The following RAB3C variants were observed in gnomAD, a reference collection of about 807,000 sequenced individuals.
RAB3C encodes the protein ras-related protein Rab-3C.
Under a neutral mutation model 26.4 loss-of-function variants are expected in RAB3C, and 17 were observed. The ratio of observed to expected loss-of-function variants is 0.64; its 90% CI spans 0.44 to 0.97. RAB3C has a LOEUF of 0.97. Among genes scored for constraint, RAB3C ranks in the 50% least tolerant of loss-of-function variants. The pLI, the probability that RAB3C is intolerant of heterozygous loss-of-function variation, is 0.00. For missense variants in RAB3C, 242 were observed against 281.9 expected, an observed-to-expected ratio of 0.86 and a Z score of 1.01; for synonymous variants, 91 against 95.9, an observed-to-expected ratio of 0.95 and a Z score of 0.30.
intron 3 of RAB3C, among the ~76,000 whole-genome samples, chr5:58,782,848 C>A (rs944765017): frequency 8.5e-5 from 13 of 152,088 alleles, no homozygotes; most frequent in African/African-American, 3.1e-4. Flanking sequence ...TCTCAAGAGC[C>A]AGGATCTAGG....
intron 2 of RAB3C, among the ~76,000 whole-genome samples, chr5:58,639,927 A>G (rs1392364686): frequency 1.3e-5 from 2 of 152,200 alleles, no homozygotes; most frequent in South Asian, 2.1e-4. Context: ...TTCCCCAGTG[A>G]TGTTTCATTG....
chr5:58,679,962 A>G (rs1748312900), intron 2 of RAB3C, among the ~76,000 whole-genome samples: 2 of 152,288 alleles, frequency 1.3e-5, no homozygotes, highest in Middle Eastern at 3.4e-3. Context: ...TTTTTGTGTC[A>G]TTCTAATTTT....
intron 1 of RAB3C, among the ~76,000 whole-genome samples, chr5:58,610,714 C>G (rs1042284937): frequency 6.6e-6 from 1 of 151,902 alleles, no homozygotes; most frequent in Non-Finnish European, 1.5e-5. Context: ...CAGGGAATGA[C>G]TTAGACTATT....
chr5:58,821,114 A>G (rs1269508988), intron 3 of RAB3C, among the ~76,000 whole-genome samples: 2 of 152,156 alleles, frequency 1.3e-5, no homozygotes, highest in Non-Finnish European at 2.9e-5. Flanking sequence ...AATTTCCTCA[A>G]GGACTCATTT....
chr5:58,734,029 T>TA (rs886350669), intron 3 of RAB3C, among the ~76,000 whole-genome samples: 3 of 152,172 alleles, frequency 2.0e-5, no homozygotes, highest in Admixed American at 6.5e-5. Context: ...AGAGGTTTTT[T>TA]AAGAGCAGGA....
intron 3 of RAB3C, among the ~76,000 whole-genome samples, chr5:58,804,111 A>G (rs1347393650): frequency 6.6e-6 from 1 of 152,026 alleles, no homozygotes; most frequent in Non-Finnish European, 1.5e-5. Context: ...TTAGCTAATT[A>G]TTCTTTCTCT....
intron 3 of RAB3C, among the ~76,000 whole-genome samples, chr5:58,740,573 G>A (rs1962829): frequency 0.26 from 38,937 of 152,134 alleles, 6,232 homozygotes; most frequent in Non-Finnish European, 0.37. Context: ...TGTAATCCCA[G>A]CACTTTGGGA....
intron 1 of RAB3C, 166 bp from the exon 2 acceptor site, chr5:58,617,477 T>G (rs750195176): frequency 3.9e-6 from 3 of 774,096 alleles, no homozygotes; most frequent in Admixed American, 1.7e-5. Flanking sequence ...ATTATTGCCA[T>G]GGATACCAAT....
intron 4 of RAB3C, 102 bp from the exon 5 acceptor site, chr5:58,851,062 A>T (rs1445109651): frequency 1.8e-6 from 2 of 1,134,802 alleles, no homozygotes; most frequent in Non-Finnish European, 2.5e-6. Context: ...CCACCCACTG[A>T]TGTCTCACCA....
At chr5:58,842,606 G>A (rs1743899409) in intron 4 of RAB3C, among the ~76,000 whole-genome samples, 1 of 152,190 alleles carries the variant, frequency 6.6e-6, no homozygotes, top group African/African-American at 2.4e-5. Context: ...TATTTGACAA[G>A]GAAGTAGCCA....
intron 3 of RAB3C, among the ~76,000 whole-genome samples, chr5:58,728,138 T>A (rs903476336): frequency 3.3e-5 from 5 of 152,050 alleles, no homozygotes; most frequent in African/African-American, 1.2e-4. Flanking sequence ...CCTACTTTTT[T>A]CATCCAAAAT....
chr5:58,648,871 C>A (rs1307874853), intron 2 of RAB3C, among the ~76,000 whole-genome samples: 2 of 152,192 alleles, frequency 1.3e-5, no homozygotes, highest in Non-Finnish European at 2.9e-5. Context: ...TTCTCCTGAG[C>A]AGCCCCATGG....
In RAB3C at chr5:58,733,410, C is replaced by T. The variant is rs540016499; in HGVS notation, c.371+7290C>T. On this transcript the variant is annotated intron_variant, in intron 3 of 4. Transcript: ENST00000282878. ...AATGATGTTTACGATGTGCTTCAGA[C>T]TTGTCCATGTGGTAAAAATGTGTGT... Among the ~76,000 whole-genome samples, 20 of 152,276 alleles carry T rather than the reference C, an allele frequency of 1.3e-4. No homozygotes were observed. In the East Asian group the frequency reaches 3.7e-3, roughly 28 times the overall value.
chr5:58,701,951 G>C (rs1748851426), intron 2 of RAB3C, among the ~76,000 whole-genome samples: 1 of 152,100 alleles, frequency 6.6e-6, no homozygotes, highest in South Asian at 2.1e-4. Context: ...CAGGTTTGGA[G>C]ATTGGAAAGT....
chr5:58,822,737 A>G (rs1171650045), intron 3 of RAB3C: 1 of 501,696 alleles, frequency 2.0e-6, no homozygotes. Flanking sequence ...TGCGCAGCAT[A>G]TGTACATGGT....
At chr5:58,725,600 A>G (rs1740871654) in intron 2 of RAB3C, among the ~76,000 whole-genome samples, 1 of 151,960 alleles carries the variant, frequency 6.6e-6, no homozygotes, top group Non-Finnish European at 1.5e-5. Flanking sequence ...AGAGTTTGGT[A>G]GAAGAAATAA....
intron 3 of RAB3C, among the ~76,000 whole-genome samples, chr5:58,822,026 C>T (rs575824056): frequency 1.4e-4 from 21 of 151,932 alleles, no homozygotes; most frequent in Non-Finnish European, 2.2e-4. Flanking sequence ...CATTTGTTTA[C>T]GTTTCAACAT....
chr5:58,855,576 C>T lies in RAB3C; in HGVS notation c.*4225C>T, dbSNP rs1478332482. 1 of 152,204 alleles carries T rather than the reference C, an allele frequency of 6.6e-6. No individual in the cohort carries two copies. The highest frequency in any genetic ancestry group is 1.5e-5 in the Non-Finnish European group (1 of 68,044). 9.4% of individuals were successfully genotyped at this position (152,204 alleles called of 1,614,324 possible). A position where few individuals can be genotyped will look rare whatever the true frequency, so the allele number is the denominator to read the frequency against. ...CCTCTACAGCTCTGCTCAGCTCTGC[C>T]TGTGTGCATTGATTACCTTCGCTTT... On this transcript the variant is annotated 3_prime_UTR_variant, in exon 5 of 5. Transcript: ENST00000282878.
intron 2 of RAB3C, among the ~76,000 whole-genome samples, chr5:58,649,120 TTA>T (rs1747588233): frequency 6.6e-6 from 1 of 152,162 alleles, no homozygotes; most frequent in African/African-American, 2.4e-5. Flanking sequence ...TCTTAGTTGG[TTA>T]TGTTATGGTA....
Sources: gnomAD v4.1 joint callset for allele counts (sites outside exome capture counted in the v4.1 genomes callset) on GRCh38, gnomAD v4.1.1 for gene constraint, MANE v1.5 for transcripts, NCBI Gene and HGNC (gene_info 2026-07-23, HGNC 2026-07-21) for gene names.